Variants in PKNOX2 observed in about 807,000 individuals in gnomAD.
The protein encoded by PKNOX2 is PBX/knotted 1 homeobox 2.
A neutral mutation model predicts 53.1 loss-of-function variants in PKNOX2; 14 were observed. The observed-to-expected ratio is 0.26, with a 90% CI of 0.17 to 0.41. PKNOX2 has a LOEUF of 0.41. PKNOX2 is among the 10% of genes least tolerant of loss of function. PKNOX2 has a pLI of 1.00. For missense variants in PKNOX2, 496 were observed against 602.8 expected, an observed-to-expected ratio of 0.82 and a Z score of 1.85; for synonymous variants, 257 against 242.8, an observed-to-expected ratio of 1.06 and a Z score of -0.54.
intron 2 of PKNOX2, chr11:125,239,496 A>T (rs1217682505): frequency 1.3e-5 from 2 of 152,210 alleles, no homozygotes; most frequent in Non-Finnish European, 2.9e-5. Context: ...AGGAGAGAGA[A>T]AAGGTCATTA....
chr11:125,239,599 T>C (rs532327829), intron 2 of PKNOX2: 2 of 152,372 alleles, frequency 1.3e-5, no homozygotes, highest in African/African-American at 4.8e-5. Context: ...CTTCTTCACA[T>C]GCTCTTTCCT....
chr11:125,299,932 C>A (rs1395518048), intron 2 of PKNOX2, among the ~76,000 whole-genome samples: 1 of 152,224 alleles, frequency 6.6e-6, no homozygotes, highest in Non-Finnish European at 1.5e-5. Context: ...CTGTCTGCTG[C>A]CCCTCACGAC....
chr11:125,420,426 T>C (rs1956114170), intron 10 of PKNOX2, among the ~76,000 whole-genome samples: 1 of 151,340 alleles, frequency 6.6e-6, no homozygotes, highest in Non-Finnish European at 1.5e-5. Context: ...CTTGGGAGGC[T>C]GAGGCAGGAG....
chr11:125,323,642 A>G lies in PKNOX2; in HGVS notation c.-129-8177A>G, dbSNP rs150092135. ...TGTCATGCTTCCTCTGCGTTCCTTA[A>G]TAACGAAAATTTACATGTGTGGGGA... On this transcript the variant is annotated intron_variant, in intron 2 of 12. Transcript: ENST00000298282. Among the ~76,000 whole-genome samples, 81 of 152,322 alleles carry G rather than the reference A, an allele frequency of 5.3e-4. 1 individual carries two copies. The East Asian group carries it at 0.015, about 29-fold the overall frequency.
At chr11:125,353,762 G>T (rs1337978294) in intron 4 of PKNOX2, among the ~76,000 whole-genome samples, 1 of 152,228 alleles carries the variant, frequency 6.6e-6, no homozygotes, top group African/African-American at 2.4e-5. Context: ...AGAAGCATCA[G>T]TGTCCATGGT....
At chr11:125,332,931 G>A (rs899263569) in intron 3 of PKNOX2, among the ~76,000 whole-genome samples, 2 of 152,156 alleles carry the variant, frequency 1.3e-5, no homozygotes, top group African/African-American at 4.8e-5. Flanking sequence ...TTCCTGTCTG[G>A]GGAGCTCTGT....
intron 1 of PKNOX2, among the ~76,000 whole-genome samples, chr11:125,222,565 T>C (rs894054836): frequency 6.6e-6 from 1 of 151,942 alleles, no homozygotes; most frequent in Non-Finnish European, 1.5e-5. Flanking sequence ...GTCAAGCACC[T>C]AATGTGTAAT....
intron 2 of PKNOX2, among the ~76,000 whole-genome samples, chr11:125,259,608 G>A (rs755118664): frequency 6.6e-6 from 1 of 152,134 alleles, no homozygotes; most frequent in Non-Finnish European, 1.5e-5. Flanking sequence ...GGACTTCCGC[G>A]TGGCCCTTTA....
At chr11:125,236,552 C>T (rs1270585231) in intron 2 of PKNOX2, among the ~76,000 whole-genome samples, 2 of 152,166 alleles carry the variant, frequency 1.3e-5, no homozygotes, top group South Asian at 2.1e-4. Context: ...GCCTGCGCAT[C>T]CCCCCGATCC....
chr11:125,406,892 C>G (rs1224042065), intron 7 of PKNOX2, among the ~76,000 whole-genome samples: 1 of 127,270 alleles, frequency 7.9e-6, no homozygotes, highest in Non-Finnish European at 1.6e-5. Context: ...AGGGTCTTGA[C>G]CCAGTGGCCC....
chr11:125,305,537 C>G (rs531666159), intron 2 of PKNOX2, among the ~76,000 whole-genome samples: 4 of 152,334 alleles, frequency 2.6e-5, no homozygotes, highest in Admixed American at 2.6e-4. Flanking sequence ...TGGGCACCCC[C>G]ACCCCAGGCA....
rs975944665 is a variant in PKNOX2 at position 125,433,189 on chromosome 11, CACAG to C, written c.*1801_*1804del. 4 of 152,790 alleles carry C rather than the reference CACAG, an allele frequency of 2.6e-5. No individual in the cohort carries two copies. The highest frequency in any genetic ancestry group is 1.9e-4 in the East Asian group (1 of 5,186). The allele number at this position is 152,790 out of a possible 1,614,324, so 9.5% of individuals were successfully genotyped here. A position where few individuals can be genotyped will look rare whatever the true frequency, so the allele number is the denominator to read the frequency against. On this transcript the variant is annotated 3_prime_UTR_variant, in exon 13 of 13. Coordinates refer to ENST00000298282, the MANE Select transcript of PKNOX2 (RefSeq NM_001382323.2). ...TTCGTTTTTCTTGTTAACACGCGCA[CACAG>C]ACACACACACACACCGTTCCACTCA...
At chr11:125,199,041 A>C (rs910957734) in intron 1 of PKNOX2, among the ~76,000 whole-genome samples, 1 of 151,946 alleles carries the variant, frequency 6.6e-6, no homozygotes, top group African/African-American at 2.4e-5. Context: ...GGGTTTTGTC[A>C]TGTTGGCCAG....
chr11:125,314,444 G>A (rs1334566022), intron 2 of PKNOX2, among the ~76,000 whole-genome samples: 3 of 152,258 alleles, frequency 2.0e-5, no homozygotes, highest in Admixed American at 6.5e-5. Flanking sequence ...CTCAGAGCTC[G>A]CGTCCAGATG....
intron 2 of PKNOX2, among the ~76,000 whole-genome samples, chr11:125,312,241 C>T (rs1591523338): frequency 6.6e-6 from 1 of 152,140 alleles, no homozygotes; most frequent in Non-Finnish European, 1.5e-5. Flanking sequence ...ATCGGGTCCC[C>T]GGATCTGTGC....
intron 2 of PKNOX2, among the ~76,000 whole-genome samples, chr11:125,248,673 A>G (rs561379725): frequency 1.0e-3 from 153 of 148,498 alleles, no homozygotes; most frequent in African/African-American, 2.9e-3. Context: ...TATATAATAC[A>G]TGTTATGTAT....
chr11:125,280,769 A>G (rs1470798538), intron 2 of PKNOX2, among the ~76,000 whole-genome samples: 1 of 152,036 alleles, frequency 6.6e-6, no homozygotes, highest in African/African-American at 2.4e-5. Flanking sequence ...ACAGGGCCCT[A>G]CACAGTTTGT....
At chr11:125,410,961 G>T in intron 9 of PKNOX2, 85 bp downstream of exon 9, 1 of 1,107,868 alleles carries the variant, frequency 9.0e-7, no homozygotes, top group South Asian at 1.3e-5. Flanking sequence ...CACTTTACAC[G>T]GGTGACTCAT....
At chr11:125,272,163 G>C (rs1284130321) in intron 2 of PKNOX2, among the ~76,000 whole-genome samples, 1 of 152,242 alleles carries the variant, frequency 6.6e-6, no homozygotes, top group African/African-American at 2.4e-5. Flanking sequence ...ATGGGAACTA[G>C]AGTTGGTGAT....
Sources: gnomAD v4.1 joint callset for allele counts (sites outside exome capture counted in the v4.1 genomes callset) on GRCh38, gnomAD v4.1.1 for gene constraint, MANE v1.5 for transcripts, NCBI Gene and HGNC (gene_info 2026-07-23, HGNC 2026-07-21) for gene names.